IQGAP2: variants seen among roughly 807,000 people sequenced by gnomAD.
The protein encoded by IQGAP2 is IQ motif containing GTPase activating protein 2.
Under a neutral mutation model 201.3 loss-of-function variants are expected in IQGAP2, and 173 were observed. The ratio of observed to expected loss-of-function variants is 0.86; its 90% confidence interval spans 0.76 to 0.98. IQGAP2 has a LOEUF of 0.98. Among genes scored for constraint, IQGAP2 ranks in the 50% least tolerant of loss-of-function variants. The pLI is 0.00. For synonymous variants in IQGAP2, 675 were observed against 673.9 expected (o/e 1.00, Z -0.03); for missense variants, 1,687 against 1,864.8 (o/e 0.90, Z 1.76).
At chr5:76,598,727 C>T (rs945265778) in intron 10 of IQGAP2, among the ~76,000 whole-genome samples, 1 of 152,066 alleles carries the variant, frequency 6.6e-6, no homozygotes, top group African/African-American at 2.4e-5. Flanking sequence ...AACCAAATAG[C>T]TTTGGCCACA....
intron 1 of IQGAP2, among the ~76,000 whole-genome samples, chr5:76,452,155 CTGACCTCAGGTGATCTACCCG>C (rs1753796099): frequency 6.7e-6 from 1 of 148,666 alleles, no homozygotes; most frequent in African/African-American, 2.5e-5. Flanking sequence ...AAGAACAAAT[CTGACCTCAGGTGATCTACCCG>C]AGTGCTGGGA....
intron 30 of IQGAP2, among the ~76,000 whole-genome samples, chr5:76,684,250 A>G (rs1745548017): frequency 6.6e-6 from 1 of 152,214 alleles, no homozygotes; most frequent in South Asian, 2.1e-4. Flanking sequence ...AAGATTAGTG[A>G]GGAAATTCAG....
chr5:76,645,935 C>T (rs1367906944), intron 17 of IQGAP2, among the ~76,000 whole-genome samples: 1 of 151,698 alleles, frequency 6.6e-6, no homozygotes, highest in Non-Finnish European at 1.5e-5. Context: ...AGAATGTTTG[C>T]GAATCTCAGA....
chr5:76,700,064 CTAAA>C (rs1267102579), intron 33 of IQGAP2, among the ~76,000 whole-genome samples: 7 of 151,734 alleles, frequency 4.6e-5, no homozygotes, highest in African/African-American at 1.7e-4. Context: ...ACACTATACA[CTAAA>C]TATAGGAAGG....
At chr5:76,676,077 T>TCACACACACACACACA (rs34099080) in intron 27 of IQGAP2, among the ~76,000 whole-genome samples, 3 of 135,592 alleles carry the variant, frequency 2.2e-5, no homozygotes, top group African/African-American at 8.5e-5. Context: ...TAAGACTCTG[T>TCACACACACACACACA]CACACACACA....
intron 2 of IQGAP2, among the ~76,000 whole-genome samples, chr5:76,476,973 A>G (rs1038047276): frequency 5.3e-5 from 8 of 152,192 alleles, no homozygotes; most frequent in Non-Finnish European, 1.2e-4. Flanking sequence ...TCTTATGTTT[A>G]CTATTCTGTT....
At chr5:76,448,221 G>A (rs1373802450) in intron 1 of IQGAP2, among the ~76,000 whole-genome samples, 1 of 152,172 alleles carries the variant, frequency 6.6e-6, no homozygotes, top group African/African-American at 2.4e-5. Flanking sequence ...AGTGTCATAG[G>A]ATTGTTGTGG....
chr5:76,607,409 A>G (rs936055265), intron 12 of IQGAP2: 9 of 152,182 alleles, frequency 5.9e-5, no homozygotes, highest in Non-Finnish European at 1.0e-4. Context: ...GTGCTACCCT[A>G]TATACGGTAC....
chr5:76,413,477 A>C (rs1004676126), intron 1 of IQGAP2, among the ~76,000 whole-genome samples: 1 of 152,092 alleles, frequency 6.6e-6, no homozygotes, highest in Non-Finnish European at 1.5e-5. Context: ...CTCTAGCCCT[A>C]TTTTCTCTTC....
intron 2 of IQGAP2, among the ~76,000 whole-genome samples, chr5:76,470,753 C>G (rs2150134593): frequency 6.6e-6 from 1 of 152,156 alleles, no homozygotes; most frequent in African/African-American, 2.4e-5. Flanking sequence ...TTAAACTAAG[C>G]CTTTTCATTT....
At chr5:76,484,806 C>T (rs562015045) in intron 2 of IQGAP2, among the ~76,000 whole-genome samples, 1 of 150,762 alleles carries the variant, frequency 6.6e-6, no homozygotes, top group South Asian at 2.1e-4. Flanking sequence ...GGCCTCATTT[C>T]TCTCTCTCTC....
In IQGAP2 at chr5:76,570,640, T is replaced by C. The variant is rs749325481; in HGVS notation, c.364T>C (p.Ser122Pro). Residue 122 changes from serine to proline, a missense_variant, in exon 4 of 36, where the codon TCT becomes CCT. Ser to Pro is a moderately conservative substitution (Grantham distance 74). Coordinates refer to ENST00000274364, the MANE Select transcript of IQGAP2 (RefSeq NM_006633.5). ...CGTCCAGTGGTTAAGAGCGATGGAG[T>C]CTATTGGTCTACCCAAGGTAAGCCT... is the stretch of plus-strand genomic sequence containing the variant. ...NTVQWLRAME[S>P]IGLPKIFYPE... is the part of the protein sequence containing the mutation. The C allele has an allele frequency of 1.2e-6, 2 of 1,612,946 alleles. 1 individual carries two copies. The highest frequency in any genetic ancestry group is 2.2e-5 in the South Asian group (2 of 91,046).
At chr5:76,415,481 A>G (rs1342539270) in intron 1 of IQGAP2, among the ~76,000 whole-genome samples, 2 of 152,236 alleles carry the variant, frequency 1.3e-5, no homozygotes, top group East Asian at 3.8e-4. Context: ...TTTGGCTACA[A>G]ACTTTGCCTT....
intron 1 of IQGAP2, among the ~76,000 whole-genome samples, chr5:76,411,457 G>A (rs1751114031): frequency 6.6e-6 from 1 of 152,204 alleles, no homozygotes. Context: ...ATTCCCCAAA[G>A]TTCGTGTGTT....
intron 1 of IQGAP2, among the ~76,000 whole-genome samples, chr5:76,411,504 G>A (rs1751118355): frequency 6.6e-6 from 1 of 152,186 alleles, no homozygotes; most frequent in South Asian, 2.1e-4. Context: ...TTGGGAGGTG[G>A]AGCCTAATGA....
chr5:76,656,570 G>T (rs1742743060), intron 20 of IQGAP2, among the ~76,000 whole-genome samples: 1 of 151,704 alleles, frequency 6.6e-6, no homozygotes, highest in South Asian at 2.1e-4. Flanking sequence ...TTTTATATAT[G>T]AAAGATGACT....
chr5:76,504,448 A>C (rs1334412705), intron 2 of IQGAP2, among the ~76,000 whole-genome samples: 2 of 152,132 alleles, frequency 1.3e-5, no homozygotes, highest in Non-Finnish European at 2.9e-5. Flanking sequence ...CTGTATAACC[A>C]ACACCTAAGT....
At chr5:76,686,112 G>A (rs1029766751) in intron 30 of IQGAP2, among the ~76,000 whole-genome samples, 2 of 152,060 alleles carry the variant, frequency 1.3e-5, no homozygotes, top group Non-Finnish European at 1.5e-5. Flanking sequence ...ATTCTTTTTG[G>A]AGAAATGTCT....
Position 76,644,295 on chromosome 5 carries a change from C to CTTTTTTTTTTTTTTTT in IQGAP2, c.2094+3199_2094+3214dup, listed in dbSNP as rs547155944. 7.7e-4 allele frequency among the ~76,000 whole-genome samples: 37 copies of CTTTTTTTTTTTTTTTT among 47,770 alleles called. 8 individuals are homozygous for CTTTTTTTTTTTTTTTT. The highest frequency in any genetic ancestry group is 1.9e-3 in the East Asian group (4 of 2,122). The allele number at this position is 47,770 out of a possible 152,430, so 31.3% of individuals were successfully genotyped here. On this transcript the variant is annotated intron_variant, in intron 17 of 35. Transcript: ENST00000274364. Reference sequence around the variant, plus strand: ...AATGAGACTGCCATTTTTGTAAATCCTTTTTTTTTTTTTTTTTTTTTTGAG... The same window carrying CTTTTTTTTTTTTTTTT: ...AATGAGACTGCCATTTTTGTAAATCCTTTTTTTTTTTTTTTTTTTTTTTTTTTTTTTTTTTTTTGAG...
Sources: allele counts gnomAD v4.1 joint callset (sites outside exome capture counted in the v4.1 genomes callset), GRCh38; gene constraint gnomAD v4.1.1; transcripts MANE v1.5; gene names NCBI Gene and HGNC (gene_info 2026-07-23, HGNC 2026-07-21).